Variants in AUTS2 observed in about 807,000 individuals in gnomAD.
The protein encoded by AUTS2 is activator of transcription and developmental regulator AUTS2, also known as autism susceptibility gene 2 protein.
AUTS2 carries 17 observed loss-of-function variants against 112.4 expected under a neutral mutation model. The ratio of observed to expected loss-of-function variants is 0.15; its 90% CI spans 0.10 to 0.23. The LOEUF (loss-of-function observed/expected upper bound fraction) is 0.23. Ranked by LOEUF, AUTS2 falls within the 10% of genes least tolerant of loss-of-function variation. The pLI, the probability that AUTS2 is intolerant of heterozygous loss-of-function variation, is 1.00. For synonymous variants in AUTS2, 751 were observed against 702.7 expected (o/e 1.07, Z -1.09); for missense variants, 1,510 against 1,701.6 (o/e 0.89, Z 1.98).
chr7:69,649,612 A>G (rs1030585059), intron 1 of AUTS2, among the ~76,000 whole-genome samples: 21 of 151,912 alleles, frequency 1.4e-4, no homozygotes, highest in African/African-American at 4.8e-4. Context: ...ATTCCTATGT[A>G]TCTACAGAAC....
Position 70,792,485 on chromosome 7 carries a change from T to C in AUTS2, c.*1489T>C, listed in dbSNP as rs1254988355. ...CTATCTGACGTTGTTATCCTGTTTT[T>C]GCAAAAAAAAAAAAAAAAAAAAGTT... On this transcript the variant is annotated 3_prime_UTR_variant, in exon 19 of 19. Transcript: ENST00000342771. The C allele has an allele frequency of 7.2e-6, 1 of 139,294 alleles. No homozygotes were observed. The highest frequency in any genetic ancestry group is 1.5e-5 in the Non-Finnish European group (1 of 64,850). The allele number at this position is 139,294 out of a possible 1,614,324, so 8.6% of individuals were successfully genotyped here.
chr7:69,773,323 A>G (rs1458480590), intron 1 of AUTS2, among the ~76,000 whole-genome samples: 3 of 152,138 alleles, frequency 2.0e-5, no homozygotes, highest in African/African-American at 7.2e-5. Context: ...ATTCAAGACC[A>G]GCCTGGCCAA....
chr7:69,764,639 G>A (rs897215174), intron 1 of AUTS2, among the ~76,000 whole-genome samples: 1 of 152,152 alleles, frequency 6.6e-6, no homozygotes, highest in Non-Finnish European at 1.5e-5. Flanking sequence ...AGATAAAGGA[G>A]ATCTGTGTTT....
chr7:70,456,633 CT>C (rs1283845205), intron 5 of AUTS2, among the ~76,000 whole-genome samples: 1 of 152,230 alleles, frequency 6.6e-6, no homozygotes, highest in African/African-American at 2.4e-5. Context: ...GCAGGCCAGC[CT>C]TCTGGCTGGA....
At chr7:70,068,259 G>A (rs1307711635) in intron 2 of AUTS2, among the ~76,000 whole-genome samples, 11 of 150,460 alleles carry the variant, frequency 7.3e-5, no homozygotes, top group Non-Finnish European at 1.3e-4. Flanking sequence ...CTGACTGCAA[G>A]CTCCCCATCC....
intron 4 of AUTS2, among the ~76,000 whole-genome samples, chr7:70,170,999 G>A (rs1001419589): frequency 1.3e-5 from 2 of 152,120 alleles, no homozygotes; most frequent in Non-Finnish European, 1.5e-5. Context: ...ATAGTCTTTA[G>A]TCCCTTTCAT....
At chr7:70,432,887 A>G (rs747501810) in intron 4 of AUTS2, among the ~76,000 whole-genome samples, 7 of 152,160 alleles carry the variant, frequency 4.6e-5, no homozygotes, top group Non-Finnish European at 7.3e-5. Context: ...TTTTCTCAGC[A>G]CACCATGTGG....
At chr7:70,336,167 T>G (rs1339262362) in intron 4 of AUTS2, among the ~76,000 whole-genome samples, 1 of 152,148 alleles carries the variant, frequency 6.6e-6, no homozygotes, top group Non-Finnish European at 1.5e-5. Context: ...ATTGGTTTGT[T>G]AACAGTTAGG....
intron 1 of AUTS2, among the ~76,000 whole-genome samples, chr7:69,840,681 G>A (rs764172621): frequency 6.6e-6 from 1 of 152,194 alleles, no homozygotes; most frequent in Non-Finnish European, 1.5e-5. Context: ...GGTGGGAGGA[G>A]AGAAAGAGAC....
chr7:70,588,634 C>T (rs770663426), intron 5 of AUTS2, among the ~76,000 whole-genome samples: 3 of 152,154 alleles, frequency 2.0e-5, no homozygotes, highest in Admixed American at 6.5e-5. Flanking sequence ...AACACAGTTC[C>T]GCTGTTGCCT....
chr7:70,458,575 C>CCT (rs1796840023), intron 5 of AUTS2, among the ~76,000 whole-genome samples: 1 of 152,086 alleles, frequency 6.6e-6, no homozygotes, highest in Non-Finnish European at 1.5e-5. Flanking sequence ...GTGAATTGCT[C>CCT]CTCTCTTTTT....
At chr7:70,225,642 T>A (rs541225889) in intron 4 of AUTS2, among the ~76,000 whole-genome samples, 33 of 152,290 alleles carry the variant, frequency 2.2e-4, no homozygotes, top group African/African-American at 7.5e-4. Flanking sequence ...AGTTTACTAA[T>A]GAAAAATGTT....
chr7:70,513,318 G>A (rs1799277726), intron 5 of AUTS2, among the ~76,000 whole-genome samples: 1 of 152,230 alleles, frequency 6.6e-6, no homozygotes, highest in Non-Finnish European at 1.5e-5. Flanking sequence ...CAGACCCACA[G>A]CCTCCTAAAT....
chr7:70,197,276 C>T lies in AUTS2; in HGVS notation c.660+62705C>T, dbSNP rs558680513. Among the ~76,000 whole-genome samples, 231 of 152,242 alleles carry T rather than the reference C, an allele frequency of 1.5e-3. 1 individual carries two copies. The highest frequency in any genetic ancestry group is 4.7e-3 in the African/African-American group (197 of 41,554). On this transcript the variant is annotated intron_variant, in intron 4 of 18. Transcript: ENST00000342771. ...AATTCTTAGTCCACACACACACACA[C>T]ACACACACACCCATTTTGTACTTCT...
intron 1 of AUTS2, among the ~76,000 whole-genome samples, chr7:69,734,332 T>G (rs1421095945): frequency 2.0e-5 from 3 of 150,660 alleles, no homozygotes; most frequent in African/African-American, 4.9e-5. Flanking sequence ...CAATAATAAC[T>G]CTTTGTTCCT....
intron 5 of AUTS2, among the ~76,000 whole-genome samples, chr7:70,643,904 G>C (rs969579171): frequency 5.9e-5 from 9 of 152,048 alleles, no homozygotes; most frequent in Non-Finnish European, 8.8e-5. Flanking sequence ...GACTGGCTCA[G>C]TCCATCCCTC....
intron 4 of AUTS2, among the ~76,000 whole-genome samples, chr7:70,304,382 A>G (rs1045396255): frequency 3.3e-5 from 5 of 152,184 alleles, no homozygotes; most frequent in Admixed American, 2.6e-4. Flanking sequence ...CTTAGTCGAT[A>G]TATCTCTTCG....
chr7:69,990,320 A>G (rs1264385644), intron 2 of AUTS2, among the ~76,000 whole-genome samples: 2 of 152,212 alleles, frequency 1.3e-5, no homozygotes, highest in African/African-American at 4.8e-5. Context: ...AGGGAAGGGA[A>G]ATATGCTTAC....
chr7:69,916,928 C>T (rs1026731974), intron 2 of AUTS2, among the ~76,000 whole-genome samples: 2 of 152,162 alleles, frequency 1.3e-5, no homozygotes, highest in East Asian at 1.9e-4. Flanking sequence ...CAAATTGAAT[C>T]GTGTCATTTG....
Sources: gnomAD v4.1 joint callset for allele counts (sites outside exome capture counted in the v4.1 genomes callset) on GRCh38, gnomAD v4.1.1 for gene constraint, MANE v1.5 for transcripts, NCBI Gene and HGNC (gene_info 2026-07-23, HGNC 2026-07-21) for gene names.